The following NPSR1 variants were observed in gnomAD, a reference collection of about 807,000 sequenced individuals.
The protein encoded by NPSR1 is neuropeptide S receptor 1.
In NPSR1, 48 loss-of-function variants were observed where a neutral mutation model predicts 46.9. That is an observed-to-expected ratio of 1.02 (90% CI 0.81 to 1.30). The LOEUF is 1.30. Among genes scored for constraint, NPSR1 ranks in the 50% most tolerant of loss-of-function variants. The pLI, the probability that NPSR1 is intolerant of heterozygous loss-of-function variation, is 0.00. For missense variants in NPSR1, 450 were observed against 449.5 expected (o/e 1.00, Z -0.01); for synonymous variants, 176 against 168.1 (o/e 1.05, Z -0.36).
chr7:34,669,987 G>A (rs1376958295), intron 1 of NPSR1, among the ~76,000 whole-genome samples: 1 of 152,144 alleles, frequency 6.6e-6, no homozygotes. Context: ...TAGAATACAT[G>A]GAAGGACATG....
chr7:34,719,008 G>A (rs1783712593), intron 2 of NPSR1: 1 of 152,328 alleles, frequency 6.6e-6, no homozygotes, highest in Admixed American at 6.5e-5. Context: ...TTGAAGCTGT[G>A]TTTGTTTGAT....
At chr7:34,725,770 A>G (rs1176618899) in intron 2 of NPSR1, among the ~76,000 whole-genome samples, 6 of 152,220 alleles carry the variant, frequency 3.9e-5, no homozygotes, top group Non-Finnish European at 7.3e-5. Context: ...GACTATTGAT[A>G]TGGTTTGGCT....
In NPSR1 at chr7:34,678,307, C is replaced by T. The variant is rs535375839; in HGVS notation, c.148-6245C>T. Reference sequence around the variant, plus strand: ...CGCCATCTCAGCTCACTGCAACCTCCGCCTCCCGGGTTCAAGCGATTCTCC... The same window carrying T: ...CGCCATCTCAGCTCACTGCAACCTCTGCCTCCCGGGTTCAAGCGATTCTCC... On this transcript the variant is annotated intron_variant, in intron 1 of 8. Coordinates refer to ENST00000360581, the MANE Select transcript of NPSR1 (RefSeq NM_207172.2). 8.6e-5 allele frequency among the ~76,000 whole-genome samples: 13 copies of T among 150,392 alleles called. No individual in the cohort carries two copies. The East Asian group carries it at 2.6e-3, about 30-fold the overall frequency.
intron 1 of NPSR1, chr7:34,660,255 C>G (rs968762543): frequency 4.4e-6 from 2 of 454,928 alleles, no homozygotes; most frequent in African/African-American, 4.0e-5. Context: ...TGGCCAGGAG[C>G]TTAGAATGCT....
chr7:34,747,297 G>A lies in NPSR1; in HGVS notation c.281-31165G>A, dbSNP rs556610128. ...TTTCTCAAGAGACAGTCCAGAGAGCGAGTAAGGCACAGGGGCCCTCTTCTG... is the reference window on the plus strand; with the variant it reads ...TTTCTCAAGAGACAGTCCAGAGAGCAAGTAAGGCACAGGGGCCCTCTTCTG... On this transcript the variant is annotated intron_variant, in intron 2 of 8. Coordinates refer to ENST00000360581, the MANE Select transcript of NPSR1 (RefSeq NM_207172.2). Among the ~76,000 whole-genome samples, 7 of 152,268 alleles carry A rather than the reference G, an allele frequency of 4.6e-5. 1 individual carries two copies. Among genetic ancestry groups the A allele is most frequent in the East Asian group, 1.9e-4 (1 of 5,178 alleles).
At chr7:34,759,330 C>G (rs1786039374) in intron 2 of NPSR1, among the ~76,000 whole-genome samples, 1 of 152,158 alleles carries the variant, frequency 6.6e-6, no homozygotes, top group South Asian at 2.1e-4. Flanking sequence ...TTAGCAGTCT[C>G]TCTACTTTAA....
At chr7:34,856,046 A>G (rs570553338) in intron 8 of NPSR1, among the ~76,000 whole-genome samples, 6 of 152,342 alleles carry the variant, frequency 3.9e-5, no homozygotes, top group Admixed American at 1.3e-4. Flanking sequence ...CAGGAAACCT[A>G]TACTTAATGG....
chr7:34,836,643 A>AAGAG (rs1370841430), intron 6 of NPSR1, among the ~76,000 whole-genome samples: 3 of 150,564 alleles, frequency 2.0e-5, no homozygotes, highest in Non-Finnish European at 3.0e-5. Context: ...GAAAGAAAGA[A>AAGAG]AGAGAAAGAA....
chr7:34,732,099 AAAAAT>A lies in NPSR1; in HGVS notation c.281-46361_281-46357del, dbSNP rs1181584653. The stretch of plus-strand genomic sequence containing the variant: ...CATCTCAAAAAAAAAAAAAAAAAAA[AAAAAT>A]AGCAACACTTGGAATTCTCAGTTTG... On this transcript the variant is annotated intron_variant, in intron 2 of 8. Coordinates refer to ENST00000360581, the MANE Select transcript of NPSR1 (RefSeq NM_207172.2). Among the ~76,000 whole-genome samples the A allele has an allele frequency of 3.1e-4, 46 of 149,614 alleles. No individual in the cohort carries two copies. In the South Asian group the frequency reaches 5.8e-3, roughly 19 times the overall value.
At chr7:34,665,921 G>T (rs1289810373) in intron 1 of NPSR1, among the ~76,000 whole-genome samples, 1 of 152,148 alleles carries the variant, frequency 6.6e-6, no homozygotes, top group African/African-American at 2.4e-5. Context: ...GACACCTTTA[G>T]ATCCTACTAT....
intron 2 of NPSR1, among the ~76,000 whole-genome samples, chr7:34,710,076 T>C (rs1316513813): frequency 6.6e-6 from 1 of 152,246 alleles, no homozygotes. Context: ...AGTAGCTCTC[T>C]AGTCATTCAG....
chr7:34,668,723 G>T (rs1791885710), intron 1 of NPSR1, among the ~76,000 whole-genome samples: 1 of 152,150 alleles, frequency 6.6e-6, no homozygotes, highest in African/African-American at 2.4e-5. Context: ...GTCAACAAAG[G>T]CTTCCATAAT....
In NPSR1 at chr7:34,770,703, G is replaced by C. The variant is rs539500263; in HGVS notation, c.281-7759G>C. Among the ~76,000 whole-genome samples the C allele has an allele frequency of 1.6e-3, 247 of 152,286 alleles. 2 individuals are homozygous for C. Among genetic ancestry groups the C allele is most frequent in the Admixed American group, 3.4e-3 (52 of 15,296 alleles). On this transcript the variant is annotated intron_variant, in intron 2 of 8. Coordinates refer to ENST00000360581, the MANE Select transcript of NPSR1 (RefSeq NM_207172.2). Reference sequence around the variant, plus strand: ...GTTCAACATTGAAATGCCACATGGGGACCTGACAAGAGGTAGTTGTATTAG... The same window carrying C: ...GTTCAACATTGAAATGCCACATGGGCACCTGACAAGAGGTAGTTGTATTAG...
chr7:34,766,154 T>C (rs1381518091), intron 2 of NPSR1, among the ~76,000 whole-genome samples: 8 of 152,204 alleles, frequency 5.3e-5, no homozygotes, highest in Non-Finnish European at 1.0e-4. Flanking sequence ...GAAATATCAC[T>C]ACATATCTAG....
At chr7:34,730,520 C>G (rs2128713421) in intron 2 of NPSR1, among the ~76,000 whole-genome samples, 1 of 152,282 alleles carries the variant, frequency 6.6e-6, no homozygotes, top group Admixed American at 6.5e-5. Flanking sequence ...CAGGAAGGCT[C>G]TCAATGGTTA....
chr7:34,678,218 C>CTTTT (rs869140156), intron 1 of NPSR1, among the ~76,000 whole-genome samples: 38 of 100,694 alleles, frequency 3.8e-4, no homozygotes, highest in East Asian at 5.8e-4. Context: ...CTTTGCAATT[C>CTTTT]TTTTTTTTTT....
intron 2 of NPSR1, among the ~76,000 whole-genome samples, chr7:34,706,606 G>C (rs1237184188): frequency 6.6e-6 from 1 of 151,934 alleles, no homozygotes; most frequent in East Asian, 1.9e-4. Flanking sequence ...ATTTCTGTCA[G>C]CTTCTTGGTG....
rs181621821 is a variant in NPSR1, at chr7:34,834,618, G to A, written c.757+158G>A. Among the ~76,000 whole-genome samples the A allele has an allele frequency of 8.7e-4, 132 of 152,274 alleles. 1 individual carries two copies. The highest frequency in any genetic ancestry group is 1.9e-4 in the East Asian group (1 of 5,186). On this transcript the variant is annotated intron_variant, in intron 6 of 8. Coordinates refer to ENST00000360581, the MANE Select transcript of NPSR1 (RefSeq NM_207172.2). ...AGACCCACCAAAGGCTGTCACAGGCGGGCTCTGTCTTCCCCCATGTGACCT... is the reference window on the plus strand; with the variant it reads ...AGACCCACCAAAGGCTGTCACAGGCAGGCTCTGTCTTCCCCCATGTGACCT...
intron 2 of NPSR1, among the ~76,000 whole-genome samples, chr7:34,727,030 T>C (rs1282153268): frequency 6.6e-6 from 1 of 152,138 alleles, no homozygotes; most frequent in Non-Finnish European, 1.5e-5. Context: ...GATGATGATG[T>C]GTCAATACAG....
Sources: allele counts gnomAD v4.1 joint callset (sites outside exome capture counted in the v4.1 genomes callset), GRCh38; gene constraint gnomAD v4.1.1; transcripts MANE v1.5; gene names NCBI Gene and HGNC (gene_info 2026-07-23, HGNC 2026-07-21).